Variants in PDLIM5 observed in about 807,000 individuals in gnomAD.
PDLIM5 encodes PDZ and LIM domain 5, also known as PDZ and LIM domain protein 5.
PDLIM5 carries 34 observed loss-of-function variants against 64.2 expected under a neutral mutation model. That is an observed-to-expected ratio of 0.53 (90% confidence interval 0.40 to 0.71). The LOEUF is 0.71. Among genes scored for constraint, PDLIM5 ranks in the 30% least tolerant of loss-of-function variants. The probability of loss-of-function intolerance (pLI) is 0.00; values close to 1 mark genes in which losing one functional copy is unlikely to be tolerated. For missense variants in PDLIM5, 683 were observed against 733.6 expected (o/e 0.93, Z 0.80); for synonymous variants, 253 against 269.1 (o/e 0.94, Z 0.59).
intron 6 of PDLIM5, 40 bp from the exon 7 acceptor site, chr4:94,586,364 TAAAC>T: frequency 1.8e-6 from 2 of 1,103,326 alleles, no homozygotes; most frequent in South Asian, 1.3e-5. Context: ...ATTTTGAAGT[TAAAC>T]AAAACAAACT....
intron 5 of PDLIM5, chr4:94,579,480 T>A: frequency 9.2e-7 from 1 of 1,091,690 alleles, no homozygotes; most frequent in Non-Finnish European, 1.3e-6. Context: ...TAAAAAAAAA[T>A]GATGTGGTAG....
At chr4:94,456,830 T>C (rs1165171616) in intron 2 of PDLIM5, 1 of 1,142,100 alleles carries the variant, frequency 8.8e-7, no homozygotes, top group Admixed American at 4.6e-5. Flanking sequence ...TGGATATTTA[T>C]CAAGTGCTGT....
At chr4:94,512,325 T>C (rs536520939) in intron 2 of PDLIM5, among the ~76,000 whole-genome samples, 44 of 152,284 alleles carry the variant, frequency 2.9e-4, no homozygotes, top group African/African-American at 9.9e-4. Flanking sequence ...GGCCAGTAGC[T>C]GTATTTTTAA....
chr4:94,638,037 G>C (rs1265961717), intron 8 of PDLIM5, among the ~76,000 whole-genome samples: 3 of 152,150 alleles, frequency 2.0e-5, no homozygotes, highest in Non-Finnish European at 4.4e-5. Context: ...TGCGTGAGTG[G>C]GAGAATTCTA....
intron 2 of PDLIM5, among the ~76,000 whole-genome samples, chr4:94,499,716 G>GAGGTGAGTGGC (rs1292313392): frequency 6.6e-6 from 1 of 152,226 alleles, no homozygotes; most frequent in East Asian, 1.9e-4. Flanking sequence ...TGCACAGCAG[G>GAGGTGAGTGGC]AGGTGAGTGG....
intron 2 of PDLIM5, among the ~76,000 whole-genome samples, chr4:94,495,498 TG>T (rs1389463045): frequency 1.3e-5 from 2 of 151,356 alleles, no homozygotes; most frequent in African/African-American, 4.9e-5. Context: ...AAAATTAAAA[TG>T]GAGCTTAGTT....
rs187440727 is a variant in PDLIM5, at chr4:94,604,505, G to A, written c.921-13499G>A. On this transcript the variant is annotated intron_variant, in intron 7 of 12. Coordinates refer to ENST00000317968, the MANE Select transcript of PDLIM5 (RefSeq NM_006457.5). ...AAAAATTAGCCAGGCGTGGTGGCAC[G>A]TACCTGTAGTCCCAGCTATTCAGGA... 1.8e-4 allele frequency among the ~76,000 whole-genome samples: 27 copies of A among 152,254 alleles called. No homozygotes were observed. In the East Asian group the frequency reaches 4.4e-3, roughly 25 times the overall value.
intron 2 of PDLIM5, among the ~76,000 whole-genome samples, chr4:94,490,103 T>C (rs1375196599): frequency 4.6e-5 from 7 of 151,884 alleles, no homozygotes; most frequent in East Asian, 1.9e-4. Context: ...TATGTGGCTA[T>C]AAATAAAAAA....
chr4:94,526,972 T>G (rs1418158667), intron 3 of PDLIM5, among the ~76,000 whole-genome samples: 1 of 150,952 alleles, frequency 6.6e-6, no homozygotes, highest in Admixed American at 6.6e-5. Context: ...TGACCTCAAG[T>G]GATCCACCTG....
intron 3 of PDLIM5, among the ~76,000 whole-genome samples, chr4:94,541,782 C>T (rs939825820): frequency 4.6e-5 from 7 of 152,112 alleles, no homozygotes; most frequent in Non-Finnish European, 7.3e-5. Flanking sequence ...CAGCGCCTCC[C>T]CTGGGAGTCT....
chr4:94,649,269 C>A, intron 9 of PDLIM5, among the ~76,000 whole-genome samples: 1 of 152,182 alleles, frequency 6.6e-6, no homozygotes, highest in East Asian at 1.9e-4. Context: ...AGCCACCATG[C>A]CTGGCCTAGG....
At chr4:94,570,657 C>T (rs1336204707) in intron 3 of PDLIM5, among the ~76,000 whole-genome samples, 5 of 152,176 alleles carry the variant, frequency 3.3e-5, no homozygotes, top group Admixed American at 1.3e-4. Context: ...TTTAGAAAGA[C>T]ATCCTTCTGC....
At chr4:94,657,290 A>G (rs998279134) in intron 10 of PDLIM5, 137 bp from the exon 11 acceptor site, 5 of 571,982 alleles carry the variant, frequency 8.7e-6, no homozygotes, top group South Asian at 5.3e-5. Context: ...TTTGAGGGAA[A>G]GCTCAAGACA....
At chr4:94,514,351 G>T (rs985998157) in intron 2 of PDLIM5, among the ~76,000 whole-genome samples, 2 of 151,876 alleles carry the variant, frequency 1.3e-5, no homozygotes, top group Non-Finnish European at 2.9e-5. Flanking sequence ...AGCCAGGATG[G>T]TCTCAATCTC....
At chr4:94,498,469 C>T (rs1198050145) in intron 2 of PDLIM5, among the ~76,000 whole-genome samples, 3 of 148,530 alleles carry the variant, frequency 2.0e-5, no homozygotes, top group Non-Finnish European at 4.4e-5. Flanking sequence ...CTAGTTGAGA[C>T]ATGCATGTCA....
chr4:94,588,656 G>A (rs984248784), intron 7 of PDLIM5, among the ~76,000 whole-genome samples: 1 of 152,166 alleles, frequency 6.6e-6, no homozygotes, highest in Non-Finnish European at 1.5e-5. Context: ...ATTACAATAT[G>A]TAGTATCCTA....
chr4:94,584,723 G>A (rs1039953682), intron 5 of PDLIM5: 2 of 417,546 alleles, frequency 4.8e-6, no homozygotes, highest in Non-Finnish European at 8.6e-6. Flanking sequence ...TTGGTTCCTG[G>A]GCCTAGTGAA....
intron 3 of PDLIM5, among the ~76,000 whole-genome samples, chr4:94,558,122 G>A: frequency 6.6e-6 from 1 of 152,318 alleles, no homozygotes; most frequent in African/African-American, 2.4e-5. Context: ...ATCAAGGGCT[G>A]TTGAATTTTG....
intron 3 of PDLIM5, among the ~76,000 whole-genome samples, chr4:94,528,251 CCA>C (rs1730548738): frequency 6.6e-6 from 1 of 152,172 alleles, no homozygotes. Flanking sequence ...TGTCTCCTGC[CCA>C]CAGTCTGTTC....
Sources: gnomAD v4.1 joint callset for allele counts (sites outside exome capture counted in the v4.1 genomes callset) on GRCh38, gnomAD v4.1.1 for gene constraint, MANE v1.5 for transcripts, NCBI Gene and HGNC (gene_info 2026-07-23, HGNC 2026-07-21) for gene names.